Variants in ECT2L observed in about 807,000 individuals in gnomAD.
ECT2L encodes epithelial cell-transforming sequence 2 oncogene-like.
A neutral mutation model predicts 122.8 loss-of-function variants in ECT2L; 126 were observed. The ratio of observed to expected loss-of-function variants is 1.03; its 90% CI spans 0.89 to 1.19. The LOEUF is 1.19. ECT2L is among the 50% of genes most tolerant of loss of function. The pLI is 0.00. For synonymous variants in ECT2L, 385 were observed against 381.8 expected (o/e 1.01, Z -0.10); for missense variants, 1,012 against 1,064.1 (o/e 0.95, Z 0.68).
intron 13 of ECT2L, among the ~76,000 whole-genome samples, chr6:138,873,184 T>C (rs113620644): frequency 0.015 from 2,237 of 152,064 alleles, 49 homozygotes; most frequent in African/African-American, 0.051. Context: ...CTGCCTGTAA[T>C]AAAACTGGAA....
chr6:138,846,527 T>C lies in ECT2L; in HGVS notation c.765-12T>C. On this transcript the variant is annotated splice_polypyrimidine_tract_variant and intron_variant, in intron 7 of 21. Coordinates refer to ENST00000541398, the MANE Select transcript of ECT2L (RefSeq NM_001077706.3). ...AAAATGAAAACTTCTCATATTTCCT[T>C]TTACTCCATAGAAGCAATATTTCTG... is the stretch of plus-strand genomic sequence containing the variant. 6.4e-7 allele frequency: 1 copy of C among 1,568,426 alleles called. No homozygotes were observed. The highest frequency in any genetic ancestry group is 1.4e-5 in the African/African-American group (1 of 72,778).
chr6:138,822,568 T>TAAATAAAC (rs1387602749), intron 4 of ECT2L, among the ~76,000 whole-genome samples: 2 of 151,604 alleles, frequency 1.3e-5, no homozygotes, highest in East Asian at 3.9e-4. Context: ...AATAAATAAA[T>TAAATAAAC]AAACAAACAA....
At chr6:138,860,344 AT>A (rs545046384) in intron 10 of ECT2L, among the ~76,000 whole-genome samples, 1,832 of 147,814 alleles carry the variant, frequency 0.012, 17 homozygotes, top group Middle Eastern at 0.021. Context: ...ATAGAGGTTA[AT>A]TTTTTTTTTT....
At chr6:138,811,582 G>A (rs764373455) in intron 1 of ECT2L, among the ~76,000 whole-genome samples, 1 of 152,300 alleles carries the variant, frequency 6.6e-6, no homozygotes, top group Non-Finnish European at 1.5e-5. Context: ...GGTGCAGCTC[G>A]CATCTGTAAT....
chr6:138,796,489 T>G (rs1246767841), intron 1 of ECT2L, among the ~76,000 whole-genome samples: 1 of 152,192 alleles, frequency 6.6e-6, no homozygotes, highest in Non-Finnish European at 1.5e-5. Flanking sequence ...GTAAAGTTCT[T>G]GAACACTTTG....
intron 4 of ECT2L, among the ~76,000 whole-genome samples, chr6:138,830,508 G>A (rs531208714): frequency 1.3e-5 from 2 of 152,142 alleles, no homozygotes. Flanking sequence ...CATCTGCAGG[G>A]ACTGTCCCCA....
At chr6:138,820,241 G>GT (rs1776229212) in intron 4 of ECT2L, among the ~76,000 whole-genome samples, 1 of 152,200 alleles carries the variant, frequency 6.6e-6, no homozygotes, top group Non-Finnish European at 1.5e-5. Context: ...AGGAAAGGGC[G>GT]TGTAGATATT....
chr6:138,831,026 T>C (rs1776632219), intron 4 of ECT2L, among the ~76,000 whole-genome samples: 1 of 152,230 alleles, frequency 6.6e-6, no homozygotes, highest in Non-Finnish European at 1.5e-5. Flanking sequence ...GTATATACAA[T>C]CGTCGTAAGC....
chr6:138,810,611 T>A (rs1583544688), intron 1 of ECT2L, among the ~76,000 whole-genome samples: 1 of 152,206 alleles, frequency 6.6e-6, no homozygotes, highest in African/African-American at 2.4e-5. Context: ...TAAAAGAGAA[T>A]GTGATTGTTG....
intron 20 of ECT2L, among the ~76,000 whole-genome samples, chr6:138,897,463 T>G (rs1231760821): frequency 6.6e-6 from 1 of 152,088 alleles, no homozygotes; most frequent in Non-Finnish European, 1.5e-5. Flanking sequence ...CATCCTCAGA[T>G]TTTGGTTTTC....
chr6:138,856,950 C>T (rs1175313232), intron 10 of ECT2L, among the ~76,000 whole-genome samples: 5 of 152,146 alleles, frequency 3.3e-5, no homozygotes, highest in African/African-American at 1.2e-4. Context: ...TTTACTTCGC[C>T]AAGCAAACTG....
At chr6:138,873,894 G>GTGTGTGTGTGTGTGTGTGTGTGTGTA (rs1554277002) in intron 13 of ECT2L, among the ~76,000 whole-genome samples, 51 of 145,918 alleles carry the variant, frequency 3.5e-4, no homozygotes, top group African/African-American at 1.2e-3. Context: ...GTGTGTGTGT[G>GTGTGTGTGTGTGTGTGTGTGTGTGTA]TGTGTGTGTG....
chr6:138,870,202 CTG>C (rs1392958406), intron 13 of ECT2L: 1 of 152,516 alleles, frequency 6.6e-6, no homozygotes, highest in African/African-American at 2.4e-5. Context: ...GGACAAACCT[CTG>C]GAATTTTTGT....
chr6:138,882,714 C>G lies in ECT2L; in HGVS notation c.1881-10C>G. ...GAATATTTCATGCTTATGCTCTTCTCATACCACAGGCAGTTTCTAGATAAC... is the reference window on the plus strand; with the variant it reads ...GAATATTTCATGCTTATGCTCTTCTGATACCACAGGCAGTTTCTAGATAAC... On this transcript the variant is annotated splice_polypyrimidine_tract_variant and intron_variant, in intron 15 of 21. Transcript: ENST00000541398. 6.2e-7 allele frequency: 1 copy of G among 1,613,456 alleles called. No homozygotes were observed. Among genetic ancestry groups the G allele is most frequent in the Non-Finnish European group, 8.5e-7 (1 of 1,179,800 alleles).
intron 18 of ECT2L, among the ~76,000 whole-genome samples, chr6:138,886,598 T>C (rs1778829631): frequency 6.6e-6 from 1 of 151,814 alleles, no homozygotes; most frequent in Admixed American, 6.6e-5. Flanking sequence ...TTAAAATGTG[T>C]GTAGAGATGA....
chr6:138,797,811 G>A (rs958833309), intron 1 of ECT2L, among the ~76,000 whole-genome samples: 1 of 152,046 alleles, frequency 6.6e-6, no homozygotes, highest in Non-Finnish European at 1.5e-5. Context: ...CTGTGTACCT[G>A]GAGTTAGTGT....
At chr6:138,893,920 T>C (rs923731762) in intron 20 of ECT2L, among the ~76,000 whole-genome samples, 26 of 152,218 alleles carry the variant, frequency 1.7e-4, no homozygotes, top group African/African-American at 6.3e-4. Context: ...TTTGATTCTC[T>C]GTAGCAGCCT....
In ECT2L at chr6:138,882,864, T is replaced by C. The variant is rs779307190; in HGVS notation, c.2021T>C (p.Ile674Thr). The stretch of plus-strand genomic sequence containing the variant: ...AATTACCCTGTCATTCTGAAAACTA[T>C]TGAGAAGGTAAATGAGTTTCAATTC... ...FNNYPVILKT[I>T]EKCREMIPAF... The change falls in exon 16 of 22, where the codon ATT (isoleucine) becomes ACT (threonine). Residue 674 changes from isoleucine to threonine, a missense_variant. Transcript: ENST00000541398. 4 of 1,613,794 alleles carry C rather than the reference T, an allele frequency of 2.5e-6. No homozygotes were observed. Among genetic ancestry groups the C allele is most frequent in the Non-Finnish European group, 1.7e-6 (2 of 1,179,972 alleles).
chr6:138,853,910 T>C, intron 9 of ECT2L, 116 bp from the exon 10 acceptor site: 1 of 1,168,756 alleles, frequency 8.6e-7, no homozygotes, highest in Non-Finnish European at 1.2e-6. Context: ...TCAGGTGTCT[T>C]GGTCTTGCAG....
Sources: gnomAD v4.1 joint callset for allele counts (sites outside exome capture counted in the v4.1 genomes callset) on GRCh38, gnomAD v4.1.1 for gene constraint, MANE v1.5 for transcripts, NCBI Gene and HGNC (gene_info 2026-07-23, HGNC 2026-07-21) for gene names.